TRPM3: variants seen among roughly 807,000 people sequenced by gnomAD.
TRPM3 encodes transient receptor potential cation channel subfamily M member 3, also known as long transient receptor potential channel 3.
TRPM3 carries 77 observed loss-of-function variants against 181.2 expected under a neutral mutation model. The ratio of observed to expected loss-of-function variants is 0.42; its 90% CI spans 0.35 to 0.51. TRPM3 has a LOEUF of 0.51. Among genes scored for constraint, TRPM3 ranks in the 20% least tolerant of loss-of-function variants. The probability of loss-of-function intolerance (pLI) is 0.01; values close to 1 mark genes in which losing one functional copy is unlikely to be tolerated. For missense variants in TRPM3, 1,759 were observed against 2,196.7 expected (o/e 0.80, Z 3.98); for synonymous variants, 745 against 796.4 (o/e 0.94, Z 1.09).
At chr9:71,014,787 A>G (rs1343496554) in intron 1 of TRPM3, among the ~76,000 whole-genome samples, 1 of 152,098 alleles carries the variant, frequency 6.6e-6, no homozygotes, top group Admixed American at 6.6e-5. Flanking sequence ...GCTAATATGA[A>G]AATCTTTTTT....
At chr9:71,339,987 A>C (rs1410189144) in intron 1 of TRPM3, among the ~76,000 whole-genome samples, 1 of 152,164 alleles carries the variant, frequency 6.6e-6, no homozygotes, top group Non-Finnish European at 1.5e-5. Flanking sequence ...GATCCAGGGA[A>C]TAAAACTGAC....
intron 3 of TRPM3, among the ~76,000 whole-genome samples, chr9:70,849,023 A>G (rs2095111583): frequency 6.6e-6 from 1 of 152,070 alleles, no homozygotes; most frequent in Non-Finnish European, 1.5e-5. Context: ...TCAGTCTAGA[A>G]TTCTACATTC....
chr9:71,131,979 C>T (rs760628635), intron 1 of TRPM3, among the ~76,000 whole-genome samples: 3 of 152,132 alleles, frequency 2.0e-5, no homozygotes, highest in Admixed American at 6.5e-5. Context: ...TCATAATATA[C>T]CTTTATGAAG....
intron 1 of TRPM3, among the ~76,000 whole-genome samples, chr9:71,099,198 T>C (rs917876635): frequency 6.6e-6 from 1 of 152,174 alleles, no homozygotes; most frequent in Admixed American, 6.5e-5. Context: ...TTCTGGTCCA[T>C]AGATAGTGCC....
chr9:70,917,996 G>T (rs1022391963), intron 1 of TRPM3, among the ~76,000 whole-genome samples: 12 of 152,064 alleles, frequency 7.9e-5, no homozygotes, highest in Admixed American at 2.6e-4. Context: ...GCAGGAGTAG[G>T]TATACTTATA....
At chr9:71,119,547 A>G (rs1397334718) in intron 1 of TRPM3, among the ~76,000 whole-genome samples, 1 of 152,204 alleles carries the variant, frequency 6.6e-6, no homozygotes, top group Non-Finnish European at 1.5e-5. Context: ...ATTTAAAAAA[A>G]AACTAGCATA....
intron 1 of TRPM3, among the ~76,000 whole-genome samples, chr9:71,243,191 G>A (rs991915709): frequency 2.6e-5 from 4 of 152,110 alleles, no homozygotes; most frequent in East Asian, 3.9e-4. Context: ...ACAGGCACCC[G>A]CAACTACGCC....
intron 22 of TRPM3, among the ~76,000 whole-genome samples, chr9:70,583,851 C>T (rs1160317042): frequency 6.6e-6 from 1 of 152,232 alleles, no homozygotes; most frequent in African/African-American, 2.4e-5. Flanking sequence ...AAGTTACTCT[C>T]ACCGTACTTC....
rs1256022424 is a variant in TRPM3 at position 71,340,465 on chromosome 9, T to C, written c.183+106188A>G. On this transcript the variant is annotated intron_variant, in intron 1 of 24. Coordinates refer to the TRPM3 transcript ENST00000357533. Reference sequence around the variant, plus strand: ...CATGGGGGCAAGTCCTTTCATGCTATTCTTGTGACAGTGAATAAGTCTCAC... The same window carrying C: ...CATGGGGGCAAGTCCTTTCATGCTACTCTTGTGACAGTGAATAAGTCTCAC... Among the ~76,000 whole-genome samples, 3 of 152,068 alleles carry C rather than the reference T, an allele frequency of 2.0e-5. No individual in the cohort carries two copies. The South Asian group carries it at 6.2e-4, about 32-fold the overall frequency.
At chr9:70,743,694 C>T (rs1178707669) in intron 8 of TRPM3, among the ~76,000 whole-genome samples, 6 of 151,934 alleles carry the variant, frequency 3.9e-5, no homozygotes, top group Non-Finnish European at 8.8e-5. Context: ...GAGATTCTGC[C>T]TAGGGATGCA....
At chr9:71,097,001 G>A (rs1450504354) in intron 1 of TRPM3, among the ~76,000 whole-genome samples, 1 of 152,044 alleles carries the variant, frequency 6.6e-6, no homozygotes, top group Non-Finnish European at 1.5e-5. Flanking sequence ...AGAAGGTGGG[G>A]GAAGAAACCA....
chr9:71,193,058 T>C (rs2078130646), intron 1 of TRPM3, among the ~76,000 whole-genome samples: 1 of 151,912 alleles, frequency 6.6e-6, no homozygotes, highest in African/African-American at 2.4e-5. Flanking sequence ...GGAGATGACA[T>C]GAATGGGTAT....
At chr9:70,808,645 T>C (rs988190711) in intron 6 of TRPM3, among the ~76,000 whole-genome samples, 2 of 152,192 alleles carry the variant, frequency 1.3e-5, no homozygotes, top group Admixed American at 6.5e-5. Context: ...AGCAGGGATA[T>C]AGATTGTGTT....
At chr9:71,341,496 C>A (rs192907923) in intron 1 of TRPM3, among the ~76,000 whole-genome samples, 8 of 152,028 alleles carry the variant, frequency 5.3e-5, no homozygotes, top group Admixed American at 5.3e-4. Context: ...AAACTACAGA[C>A]GAACTCAAGT....
At chr9:70,917,324 A>G in intron 1 of TRPM3, 1 of 1,239,386 alleles carries the variant, frequency 8.1e-7, no homozygotes, top group Non-Finnish European at 1.2e-6. Context: ...TTCATGAAAT[A>G]TTGCTCCAGA....
intron 1 of TRPM3, among the ~76,000 whole-genome samples, chr9:71,191,587 C>T (rs1396732021): frequency 6.6e-6 from 1 of 151,762 alleles, no homozygotes; most frequent in Non-Finnish European, 1.5e-5. Context: ...AATGTCTGGA[C>T]TCCAGTGACA....
chr9:71,001,728 A>G (rs748737208), intron 1 of TRPM3, among the ~76,000 whole-genome samples: 7 of 152,218 alleles, frequency 4.6e-5, no homozygotes, highest in Non-Finnish European at 1.0e-4. Context: ...CTGTTGATAC[A>G]CCTGTGTCCA....
At chr9:71,013,760 G>A (rs183661989) in intron 1 of TRPM3, among the ~76,000 whole-genome samples, 1 of 151,872 alleles carries the variant, frequency 6.6e-6, no homozygotes, top group South Asian at 2.1e-4. Context: ...ATTCCTTGGT[G>A]TTTATCCATT....
chr9:71,012,142 C>A (rs2097750602), intron 1 of TRPM3, among the ~76,000 whole-genome samples: 1 of 152,004 alleles, frequency 6.6e-6, no homozygotes, highest in Non-Finnish European at 1.5e-5. Context: ...ATCTTTGACC[C>A]ATTTCAAGTT....
Sources: gnomAD v4.1 joint callset for allele counts (sites outside exome capture counted in the v4.1 genomes callset) on GRCh38, gnomAD v4.1.1 for gene constraint, MANE v1.5 for transcripts, NCBI Gene and HGNC (gene_info 2026-07-23, HGNC 2026-07-21) for gene names.